The following OLFML2B variants were observed in gnomAD, a reference collection of about 807,000 sequenced individuals.
OLFML2B encodes the protein olfactomedin like 2B, also known as olfactomedin-like protein 2B.
OLFML2B carries 57 observed loss-of-function variants against 74.9 expected under a neutral mutation model. That is an observed-to-expected ratio of 0.76 (90% CI 0.61 to 0.95). The LOEUF is 0.95. OLFML2B is among the 40% of genes least tolerant of loss of function. OLFML2B has a pLI of 0.00. For missense variants in OLFML2B, 986 were observed against 970.6 expected (o/e 1.02, Z -0.21); for synonymous variants, 388 against 405.8 (o/e 0.96, Z 0.53).
At chr1:162,014,386 ACCT>A (rs1690474174) in intron 3 of OLFML2B, among the ~76,000 whole-genome samples, 1 of 151,680 alleles carries the variant, frequency 6.6e-6, no homozygotes, top group African/African-American at 2.4e-5. Context: ...TTCCATTCCT[ACCT>A]CCTCCTATAT....
intron 3 of OLFML2B, among the ~76,000 whole-genome samples, chr1:162,007,670 G>A (rs77548444): frequency 0.012 from 1,861 of 152,288 alleles, 26 homozygotes; most frequent in Middle Eastern, 0.054. Flanking sequence ...CAGCCTGGTG[G>A]GATGCTACTA....
intron 3 of OLFML2B, among the ~76,000 whole-genome samples, chr1:162,006,867 A>G (rs1437131436): frequency 3.9e-5 from 6 of 152,218 alleles, no homozygotes; most frequent in African/African-American, 1.4e-4. Flanking sequence ...CTGAACCAGT[A>G]GCTCAGTTAA....
intron 3 of OLFML2B, among the ~76,000 whole-genome samples, chr1:162,014,850 T>C (rs1690486434): frequency 6.6e-6 from 1 of 152,232 alleles, no homozygotes; most frequent in African/African-American, 2.4e-5. Context: ...GTCTATGGGA[T>C]AGAGTCACAG....
intron 3 of OLFML2B, among the ~76,000 whole-genome samples, chr1:162,010,206 C>T (rs1056983851): frequency 1.9e-4 from 29 of 152,280 alleles, no homozygotes; most frequent in African/African-American, 6.5e-4. Context: ...GATTTGGGAA[C>T]GTTGTCATCA....
intron 3 of OLFML2B, among the ~76,000 whole-genome samples, chr1:162,006,719 A>T (rs545929647): frequency 5.3e-5 from 8 of 152,274 alleles, no homozygotes; most frequent in African/African-American, 1.7e-4. Context: ...CCAAACTACC[A>T]TAGCTTTTCT....
chr1:162,020,044 C>G lies in OLFML2B; in HGVS notation c.313G>C (p.Val105Leu), dbSNP rs200497053. The G allele has an allele frequency of 1.1e-5, 18 of 1,614,080 alleles. No homozygotes were observed. The highest frequency in any genetic ancestry group is 1.5e-5 in the Non-Finnish European group (18 of 1,180,048). The change falls in exon 2 of 8, where the codon GTG (valine) becomes CTG (leucine). Residue 105 changes from valine (V) to leucine (L), a missense_variant. Physicochemically the swap from Val to Leu is conservative, Grantham distance 32 (BLOSUM62 1). Coordinates refer to ENST00000294794, the MANE Select transcript of OLFML2B (RefSeq NM_015441.3). ...GASRKEDFYT[V>L]ETITSGSSCK... ...GACGAGCCTGAGGTGATGGTTTCCA[C>G]GGTATAGAAGTCTTCCTTCCTGGAG...
chr1:161,993,153 G>A (rs1189253137), intron 6 of OLFML2B, among the ~76,000 whole-genome samples: 3 of 152,192 alleles, frequency 2.0e-5, no homozygotes, highest in Non-Finnish European at 4.4e-5. Flanking sequence ...ACTCGGCATG[G>A]CACTTTTCCC....
chr1:162,023,232 G>T (rs760972330), intron 1 of OLFML2B, 25 bp downstream of exon 1: 46 of 1,472,994 alleles, frequency 3.1e-5, no homozygotes, highest in Non-Finnish European at 8.2e-6. Flanking sequence ...GGCAAGAAGG[G>T]CGGTCGTGGC....
rs1690792416 is a variant in OLFML2B at position 162,023,470 on chromosome 1, T to C, written c.-40A>G. On this transcript the variant is annotated 5_prime_UTR_variant, in exon 1 of 8. Transcript: ENST00000294794. Reference sequence around the variant, plus strand: ...GAGTGTCCTCAGCCCCTTCAGAGAATGGCTGGGGCGGGGGGTCTCGGCAAG... The same window carrying C: ...GAGTGTCCTCAGCCCCTTCAGAGAACGGCTGGGGCGGGGGGTCTCGGCAAG... The C allele has an allele frequency of 2.1e-6, 3 of 1,408,976 alleles. No individual in the cohort carries two copies. The highest frequency in any genetic ancestry group is 5.4e-5 in the East Asian group (2 of 37,168). 87.3% of individuals were successfully genotyped at this position (1,408,976 alleles called of 1,614,324 possible).
At chr1:162,017,019 AGAAATTAG>A (rs1690560265) in intron 3 of OLFML2B, among the ~76,000 whole-genome samples, 3 of 152,230 alleles carry the variant, frequency 2.0e-5, no homozygotes, top group Non-Finnish European at 4.4e-5. Flanking sequence ...AACAGTTAAG[AGAAATTAG>A]GAACCATATA....
At chr1:161,994,579 T>C (rs1689835224) in intron 6 of OLFML2B, among the ~76,000 whole-genome samples, 1 of 152,204 alleles carries the variant, frequency 6.6e-6, no homozygotes, top group Non-Finnish European at 1.5e-5. Context: ...GCCTTGGCCA[T>C]GTGGCAGTTT....
chr1:162,019,496 G>C (rs1690636797), intron 2 of OLFML2B, among the ~76,000 whole-genome samples: 1 of 152,206 alleles, frequency 6.6e-6, no homozygotes, highest in African/African-American at 2.4e-5. Flanking sequence ...ACCCAATCTA[G>C]AGCAGGCCCC....
chr1:162,006,269 C>A, intron 4 of OLFML2B, 28 bp downstream of exon 4: 1 of 1,521,694 alleles, frequency 6.6e-7, no homozygotes, highest in South Asian at 1.3e-5. Context: ...GGCTTGTGAT[C>A]AGAGGCCCTT....
intron 1 of OLFML2B, among the ~76,000 whole-genome samples, chr1:162,020,601 A>G (rs1221795160): frequency 2.6e-5 from 4 of 151,034 alleles, no homozygotes; most frequent in Admixed American, 2.0e-4. Flanking sequence ...ATCTCAGCTC[A>G]CTGCAACCTC....
chr1:162,004,337 A>G (rs1690161031), intron 4 of OLFML2B, among the ~76,000 whole-genome samples: 1 of 152,222 alleles, frequency 6.6e-6, no homozygotes, highest in Admixed American at 6.5e-5. Flanking sequence ...ACACTTGCTC[A>G]GTAGCCAGCC....
intron 1 of OLFML2B, among the ~76,000 whole-genome samples, chr1:162,022,230 C>A (rs997272289): frequency 7.1e-6 from 1 of 141,360 alleles, no homozygotes; most frequent in Admixed American, 7.0e-5. Context: ...CCTGGCTCTA[C>A]CCATGTATCT....
At position 162,023,773 on chromosome 1, in the gene OLFML2B, T is replaced by G; in HGVS notation, c.-343A>C. On this transcript the variant is annotated 5_prime_UTR_variant, in exon 1 of 8. Coordinates refer to ENST00000294794, the MANE Select transcript of OLFML2B (RefSeq NM_015441.3). ...AAGGCGTTCGGACAGACGCCCGCGG[T>G]GCGCGCCGGGACGGGCGGCGGGGAG... 5.8e-6 allele frequency: 1 copy of G among 171,488 alleles called. No individual in the cohort carries two copies. Among genetic ancestry groups the G allele is most frequent in the East Asian group, 1.6e-4 (1 of 6,356 alleles). 10.6% of individuals were successfully genotyped at this position (171,488 alleles called of 1,614,324 possible).
chr1:161,997,530 G>C (rs1177272682), intron 6 of OLFML2B, among the ~76,000 whole-genome samples: 1 of 152,176 alleles, frequency 6.6e-6, no homozygotes, highest in Non-Finnish European at 1.5e-5. Flanking sequence ...ACAAAGCCTA[G>C]TGTATGGATA....
intron 1 of OLFML2B, among the ~76,000 whole-genome samples, chr1:162,022,608 G>A (rs1234211742): frequency 6.6e-6 from 1 of 152,090 alleles, no homozygotes; most frequent in Non-Finnish European, 1.5e-5. Flanking sequence ...TTTGAAGATT[G>A]AGTCAGAAAA....
Sources: allele counts gnomAD v4.1 joint callset (sites outside exome capture counted in the v4.1 genomes callset), GRCh38; gene constraint gnomAD v4.1.1; transcripts MANE v1.5; gene names NCBI Gene and HGNC (gene_info 2026-07-23, HGNC 2026-07-21).